PCDHGB1: variants seen among roughly 807,000 people sequenced by gnomAD.
PCDHGB1 encodes the protein protocadherin gamma-B1.
A neutral mutation model predicts 56.6 loss-of-function variants in PCDHGB1; 34 were observed. The observed-to-expected ratio is 0.60, with a 90% confidence interval of 0.46 to 0.80. The LOEUF (loss-of-function observed/expected upper bound fraction) is 0.80, where lower values mean the gene tolerates loss of function less well. Among genes scored for constraint, PCDHGB1 ranks in the 30% least tolerant of loss-of-function variants. The pLI is 0.00. For missense variants in PCDHGB1, 1,278 were observed against 1,204.6 expected (o/e 1.06, Z -0.90); for synonymous variants, 561 against 505.9 (o/e 1.11, Z -1.46).
intron 1 of PCDHGB1, chr5:141,415,172 T>G (rs770772038): frequency 1.2e-6 from 2 of 1,613,882 alleles, no homozygotes; most frequent in Non-Finnish European, 1.7e-6. Context: ...ACGCTCACCG[T>G]GGCCGTGGCC....
intron 1 of PCDHGB1, chr5:141,365,776 C>A (rs764374830): frequency 6.2e-7 from 1 of 1,613,892 alleles, no homozygotes; most frequent in East Asian, 2.2e-5. Flanking sequence ...CCGACAGCGG[C>A]GACAACGCTC....
At chr5:141,382,717 G>A (rs759719502) in intron 1 of PCDHGB1, 38 of 488,830 alleles carry the variant, frequency 7.8e-5, no homozygotes, top group Non-Finnish European at 9.8e-5. Flanking sequence ...AGAAACCACC[G>A]AGTTTTACAG....
At chr5:141,481,323 C>T (rs539518691) in intron 1 of PCDHGB1, among the ~76,000 whole-genome samples, 1 of 152,284 alleles carries the variant, frequency 6.6e-6, no homozygotes, top group Non-Finnish European at 1.5e-5. Flanking sequence ...AAAGCACTAG[C>T]CCCTGGACAA....
Position 141,486,740 on chromosome 5 carries a change from T to G in PCDHGB1, c.2410-8067T>G. Reference sequence around the variant, plus strand: ...AGGAGCTGTTCATGCTACTCGATCCTTTGACTATGAGCAAACCCAGACACT... The same window carrying G: ...AGGAGCTGTTCATGCTACTCGATCCGTTGACTATGAGCAAACCCAGACACT... On this transcript the variant is annotated intron_variant, in intron 1 of 3. Transcript: ENST00000523390. This position sits in a 1 kb window ranked among gnomAD's most constrained non-coding sequence, Gnocchi z 5.0. 6.2e-7 allele frequency: 1 copy of G among 1,614,234 alleles called. No individual in the cohort carries two copies. The highest frequency in any genetic ancestry group is 8.5e-7 in the Non-Finnish European group (1 of 1,180,046).
chr5:141,505,925 C>T (rs1161562658), intron 3 of PCDHGB1, among the ~76,000 whole-genome samples: 4 of 152,140 alleles, frequency 2.6e-5, no homozygotes, highest in Admixed American at 1.3e-4. Context: ...CTGGGCCTGG[C>T]GCTTGGAAGC....
intron 1 of PCDHGB1, chr5:141,397,868 A>T (rs1331188362): frequency 1.4e-5 from 8 of 573,128 alleles, no homozygotes; most frequent in Non-Finnish European, 2.1e-5. Context: ...CCTAGTGCTG[A>T]CTCTGGGCGC....
chr5:141,357,980 A>C (rs979777324), intron 1 of PCDHGB1, among the ~76,000 whole-genome samples: 2 of 152,164 alleles, frequency 1.3e-5, no homozygotes, highest in Non-Finnish European at 2.9e-5. Context: ...GCCTGAGCTC[A>C]GGAGTTCGAG....
In PCDHGB1 at chr5:141,389,258, C is replaced by T. The variant is rs373970987; in HGVS notation, c.2409+36589C>T. The stretch of plus-strand genomic sequence containing the variant: ...TCTCACAGTCTTCCTATATAGTCCA[C>T]GTGGCCGAGAACAACCCGCCTGGAG... On this transcript the variant is annotated intron_variant, in intron 1 of 3. Coordinates refer to ENST00000523390, the MANE Select transcript of PCDHGB1 (RefSeq NM_018922.3). 4 of 1,614,022 alleles carry T rather than the reference C, an allele frequency of 2.5e-6. No homozygotes were observed. The African/African-American group carries it at 4.0e-5, about 16-fold the overall frequency.
rs748951693 is a variant in PCDHGB1, at chr5:141,365,805, C to T, written c.2409+13136C>T. The T allele has an allele frequency of 3.1e-6, 5 of 1,613,942 alleles. No homozygotes were observed. The South Asian group carries it at 5.5e-5, about 18-fold the overall frequency. On this transcript the variant is annotated intron_variant, in intron 1 of 3. Coordinates refer to ENST00000523390, the MANE Select transcript of PCDHGB1 (RefSeq NM_018922.3). ...AACGCTCGAGTCACCTACTCCCTGG[C>T]TGAAGACACATTTCAGGGGGCGCCC...
At chr5:141,481,013 A>G (rs1198627648) in intron 1 of PCDHGB1, among the ~76,000 whole-genome samples, 1 of 152,164 alleles carries the variant, frequency 6.6e-6, no homozygotes, top group Admixed American at 6.5e-5. Context: ...AGCCCAGATC[A>G]CACCACTGCA....
Position 141,350,974 on chromosome 5 carries a change from G to T in PCDHGB1, c.714G>T (p.Val238=), listed in dbSNP as rs776132463. Residue 238 remains valine, a synonymous_variant, in exon 1 of 4, where the codon GTG becomes GTT. Transcript: ENST00000523390. The stretch of plus-strand genomic sequence containing the variant: ...CGGATGCCAATGATAATGCTCCCGT[G>T]TTTAGCCAGGAGGTATACAGGGTTA... ...RVTDANDNAP[V]FSQEVYRVSL... is the part of the protein sequence containing the mutation. 11 of 1,613,978 alleles carry T rather than the reference G, an allele frequency of 6.8e-6. No homozygotes were observed. The highest frequency in any genetic ancestry group is 4.0e-5 in the African/African-American group (3 of 74,960).
At chr5:141,473,810 G>A (rs549204595) in intron 1 of PCDHGB1, among the ~76,000 whole-genome samples, 1 of 152,334 alleles carries the variant, frequency 6.6e-6, no homozygotes, top group South Asian at 2.1e-4. Flanking sequence ...CTGAGGAGCA[G>A]CTGGACAATT....
intron 1 of PCDHGB1, chr5:141,375,227 G>C: frequency 6.2e-7 from 1 of 1,613,962 alleles, no homozygotes; most frequent in East Asian, 2.2e-5. Context: ...GAATGGCCTG[G>C]TAACCTGTTC....
rs888389135 is a variant in PCDHGB1 at position 141,487,089 on chromosome 5, C to T, written c.2410-7718C>T. 12 of 1,613,882 alleles carry T rather than the reference C, an allele frequency of 7.4e-6. No individual in the cohort carries two copies. Among genetic ancestry groups the T allele is most frequent in the Non-Finnish European group, 1.0e-5 (12 of 1,179,768 alleles). On this transcript the variant is annotated intron_variant, in intron 1 of 3. Coordinates refer to ENST00000523390, the MANE Select transcript of PCDHGB1 (RefSeq NM_018922.3). The surrounding 1 kb of genome is among the most constrained non-coding windows in gnomAD (Gnocchi z 5.0). The stretch of plus-strand genomic sequence containing the variant: ...GCTGTTCCTATCCCAGCTGACCTCC[C>T]ACCACAGAAGCTGGTCATTGTGGTA...
intron 1 of PCDHGB1, chr5:141,375,811 G>T: frequency 6.2e-7 from 1 of 1,614,224 alleles, no homozygotes; most frequent in South Asian, 1.1e-5. Context: ...CTGGCGTGGA[G>T]CTGGCGCCCC....
At chr5:141,355,003 C>A in intron 1 of PCDHGB1, 1 of 767,012 alleles carries the variant, frequency 1.3e-6, no homozygotes, top group Non-Finnish European at 1.9e-6. Flanking sequence ...GGGGAAAAGA[C>A]AAACCAGAAA....
chr5:141,365,891 G>C, intron 1 of PCDHGB1: 1 of 1,614,136 alleles, frequency 6.2e-7, no homozygotes, highest in Non-Finnish European at 8.5e-7. Flanking sequence ...GAGATCCTTC[G>C]ACTATGAGCA....
chr5:141,399,659 T>A (rs1277891886), intron 1 of PCDHGB1: 1 of 1,613,684 alleles, frequency 6.2e-7, no homozygotes, highest in African/African-American at 1.3e-5. Flanking sequence ...GGGGTGGTGT[T>A]CGCGCAGCGC....
At chr5:141,399,642 G>C (rs755191053) in intron 1 of PCDHGB1, 3 of 1,613,750 alleles carry the variant, frequency 1.9e-6, no homozygotes, top group Non-Finnish European at 2.5e-6. Flanking sequence ...CCATGAGCGC[G>C]CAAAGTGGGG....
Sources: gnomAD v4.1 joint callset for allele counts (sites outside exome capture counted in the v4.1 genomes callset) on GRCh38, gnomAD v4.1.1 for gene constraint, Gnocchi (gnomAD v3.1) non-coding constraint, MANE v1.5 for transcripts, NCBI Gene and HGNC (gene_info 2026-07-23, HGNC 2026-07-21) for gene names.